The following PCDHGA9 variants were observed in gnomAD, a reference collection of about 807,000 sequenced individuals.
PCDHGA9 encodes the protein protocadherin gamma-A9.
In PCDHGA9, 37 loss-of-function variants were observed where a neutral mutation model predicts 62.5. The ratio of observed to expected loss-of-function variants is 0.59; its 90% CI spans 0.46 to 0.78. PCDHGA9 has a LOEUF of 0.78. Ranked by LOEUF, PCDHGA9 falls within the 30% of genes least tolerant of loss-of-function variation. PCDHGA9 has a pLI of 0.00. For missense variants in PCDHGA9, 1,138 were observed against 1,166.2 expected, an observed-to-expected ratio of 0.98 and a Z score of 0.35; for synonymous variants, 459 against 484.6, an observed-to-expected ratio of 0.95 and a Z score of 0.69.
rs933089146 is a variant in PCDHGA9, at chr5:141,490,786, A to G, written c.2425-4021A>G. ...GTATGTCAACCCAGAGGATGGACGGATCTTTGCCCAGCGTACCTTTGACTA... is the reference window on the plus strand; with the variant it reads ...GTATGTCAACCCAGAGGATGGACGGGTCTTTGCCCAGCGTACCTTTGACTA... On this transcript the variant is annotated intron_variant, in intron 1 of 3. Coordinates refer to ENST00000573521, the MANE Select transcript of PCDHGA9 (RefSeq NM_018921.3). This position sits in a 1 kb window ranked among gnomAD's most constrained non-coding sequence, Gnocchi z 5.4. The G allele has an allele frequency of 1.9e-6, 3 of 1,614,056 alleles. No individual in the cohort carries two copies. The highest frequency in any genetic ancestry group is 1.7e-5 in the Admixed American group (1 of 60,016).
chr5:141,454,796 ATTTTTTTTTT>A (rs61612330), intron 1 of PCDHGA9, among the ~76,000 whole-genome samples: 11 of 77,458 alleles, frequency 1.4e-4, no homozygotes, highest in East Asian at 8.0e-4. Flanking sequence ...CATGGTTCTA[ATTTTTTTTTT>A]TTTTTTTTTT....
intron 1 of PCDHGA9, among the ~76,000 whole-genome samples, chr5:141,460,640 TGTTTACACATA>T (rs2098994223): frequency 6.6e-6 from 1 of 152,096 alleles, no homozygotes; most frequent in Admixed American, 6.6e-5. Flanking sequence ...TATATAACTG[TGTTTACACATA>T]TGTAACTGTA....
At chr5:141,509,481 A>G (rs2099877035) in intron 3 of PCDHGA9, among the ~76,000 whole-genome samples, 1 of 152,010 alleles carries the variant, frequency 6.6e-6, no homozygotes, top group Admixed American at 6.6e-5. Flanking sequence ...TGAGGGGTAG[A>G]GGTGATGGCA....
rs748017565 is a variant in PCDHGA9 at position 141,477,404 on chromosome 5, C to G, written c.2425-17403C>G. ...AGAATACAACCTCAGCATCACCGCCCGAGACGCCGGAACCCCTTCCCTCTC... is the reference window on the plus strand; with the variant it reads ...AGAATACAACCTCAGCATCACCGCCGGAGACGCCGGAACCCCTTCCCTCTC... On this transcript the variant is annotated intron_variant, in intron 1 of 3. Coordinates refer to ENST00000573521, the MANE Select transcript of PCDHGA9 (RefSeq NM_018921.3). The surrounding 1 kb of genome is among the most constrained non-coding windows in gnomAD (Gnocchi z 4.9). The G allele has an allele frequency of 1.9e-6, 3 of 1,614,042 alleles. No homozygotes were observed. Among genetic ancestry groups the G allele is most frequent in the African/African-American group, 1.3e-5 (1 of 74,902 alleles).
rs1022516458 is a variant in PCDHGA9, at chr5:141,476,612, A to G, written c.2425-18195A>G. The G allele has an allele frequency of 1.2e-6, 2 of 1,614,236 alleles. No individual in the cohort carries two copies. The highest frequency in any genetic ancestry group is 2.2e-5 in the South Asian group (2 of 91,080). ...GAGCGCGCACGATCCCGATGTGGGA[A>G]GCAACTCTTTACAAACCTATGAGCT... On this transcript the variant is annotated intron_variant, in intron 1 of 3. Transcript: ENST00000573521. The surrounding 1 kb of genome is among the most constrained non-coding windows in gnomAD (Gnocchi z 7.6).
intron 1 of PCDHGA9, chr5:141,433,149 C>A (rs758972664): frequency 1.2e-6 from 2 of 1,613,856 alleles, no homozygotes; most frequent in Non-Finnish European, 1.7e-6. Context: ...TCAGGTGATT[C>A]GGTATTTTCT....
rs769551114 is a variant in PCDHGA9, at chr5:141,402,989, T to A, written c.37T>A (p.Leu13Ile). Residue 13 changes from leucine (L) to isoleucine (I), a missense_variant, in exon 1 of 4, where the codon TTA becomes ATA. By Grantham distance (5) the Leu-to-Ile change is conservative. Coordinates refer to ENST00000573521, the MANE Select transcript of PCDHGA9 (RefSeq NM_018921.3). ...AACCAAATGCCAGCTCCGCGGAAGA[T>A]TAGTCCTGCTATGCTCGCTCCTGGG... ...APTKCQLRGR[L>I]VLLCSLLGML... The A allele has an allele frequency of 2.5e-6, 4 of 1,611,874 alleles. No homozygotes were observed. Among genetic ancestry groups the A allele is most frequent in the Non-Finnish European group, 3.4e-6 (4 of 1,179,236 alleles).
At chr5:141,418,015 G>T (rs1385008648) in intron 1 of PCDHGA9, 1 of 1,613,964 alleles carries the variant, frequency 6.2e-7, no homozygotes, top group Non-Finnish European at 8.5e-7. Context: ...ACCTCGCTAA[G>T]GATCTAGGGC....
rs1243327893 is a variant in PCDHGA9, at chr5:141,491,671, C to A, written c.2425-3136C>A. 2.5e-6 allele frequency: 4 copies of A among 1,613,366 alleles called. No homozygotes were observed. Among genetic ancestry groups the A allele is most frequent in the Non-Finnish European group, 3.4e-6 (4 of 1,179,808 alleles). On this transcript the variant is annotated intron_variant, in intron 1 of 3. Coordinates refer to ENST00000573521, the MANE Select transcript of PCDHGA9 (RefSeq NM_018921.3). The surrounding 1 kb of genome is among the most constrained non-coding windows in gnomAD (Gnocchi z 6.9). Reference sequence around the variant, plus strand: ...GCTGGAGCCTGACGCCATCCGGTCCCGCTCTAATACGCTGCGGGAGCGGAG... The same window carrying A: ...GCTGGAGCCTGACGCCATCCGGTCCAGCTCTAATACGCTGCGGGAGCGGAG...
chr5:141,419,734 G>A, intron 1 of PCDHGA9: 2 of 1,613,792 alleles, frequency 1.2e-6, no homozygotes, highest in Non-Finnish European at 1.7e-6. Context: ...GAACAGGCGA[G>A]GTGCGCATGG....
rs768648952 is a variant in PCDHGA9, at chr5:141,477,230, G to T, written c.2425-17577G>T. 14 of 1,614,046 alleles carry T rather than the reference G, an allele frequency of 8.7e-6. No homozygotes were observed. The highest frequency in any genetic ancestry group is 4.0e-5 in the African/African-American group (3 of 74,916). On this transcript the variant is annotated intron_variant, in intron 1 of 3. Transcript: ENST00000573521. The surrounding 1 kb of genome is among the most constrained non-coding windows in gnomAD (Gnocchi z 4.9). Reference sequence around the variant, plus strand: ...GGATGCCCCTCTGGGGACTGTCATCGCTTTGCTCAGTGTGACTGACCTGGA... The same window carrying T: ...GGATGCCCCTCTGGGGACTGTCATCTCTTTGCTCAGTGTGACTGACCTGGA...
Position 141,404,725 on chromosome 5 carries a change from G to A in PCDHGA9, c.1773G>A (p.Val591=), listed in dbSNP as rs1381392805. The stretch of plus-strand genomic sequence containing the variant: ...AGCCTGGCTACCTGGTGACCAAGGT[G>A]GTGGCAGTGGACAGAGACTCAGGCC... The part of the protein sequence containing the change: ...SAEPGYLVTK[V]VAVDRDSGQN... The change falls in exon 1 of 4, where the codon GTG becomes GTA. Residue 591 remains valine, a synonymous_variant. Coordinates refer to ENST00000573521, the MANE Select transcript of PCDHGA9 (RefSeq NM_018921.3). The A allele has an allele frequency of 6.2e-7, 1 of 1,613,980 alleles. No individual in the cohort carries two copies. Among genetic ancestry groups the A allele is most frequent in the Non-Finnish European group, 8.5e-7 (1 of 1,180,028 alleles).
At chr5:141,422,044 G>A (rs780284162) in intron 1 of PCDHGA9, 1 of 1,611,530 alleles carries the variant, frequency 6.2e-7, no homozygotes, top group Non-Finnish European at 8.5e-7. Flanking sequence ...TCCAGACGAG[G>A]GAATCAACGG....
At chr5:141,410,235 G>A (rs753193390) in intron 1 of PCDHGA9, 2 of 1,613,970 alleles carry the variant, frequency 1.2e-6, no homozygotes, top group South Asian at 1.1e-5. Context: ...CTCAGCGACC[G>A]CCCTGTACTC....
chr5:141,417,518 G>C (rs193231266), intron 1 of PCDHGA9: 8 of 257,454 alleles, frequency 3.1e-5, no homozygotes, highest in Non-Finnish European at 5.1e-5. Context: ...TATTTTGGCT[G>C]TCAACTCGTA....
intron 2 of PCDHGA9, among the ~76,000 whole-genome samples, chr5:141,502,956 G>A (rs986743949): frequency 1.3e-5 from 2 of 148,846 alleles, no homozygotes; most frequent in African/African-American, 5.0e-5. Context: ...CGATTCTCCT[G>A]CCTCAGCCTC....
At chr5:141,508,193 C>T (rs1426786164) in intron 3 of PCDHGA9, 1 of 152,326 alleles carries the variant, frequency 6.6e-6, no homozygotes, top group Non-Finnish European at 1.5e-5. Flanking sequence ...ATCACCCCCA[C>T]CTCGTCCAGG....
chr5:141,486,985 T>C lies in PCDHGA9; in HGVS notation c.2425-7822T>C. On this transcript the variant is annotated intron_variant, in intron 1 of 3. Coordinates refer to ENST00000573521, the MANE Select transcript of PCDHGA9 (RefSeq NM_018921.3). The surrounding 1 kb of genome is among the most constrained non-coding windows in gnomAD (Gnocchi z 5.0). ...TGGACTTGGATTCAGGTTACAATGC[T>C]TGGGTTTCCTATCAGCTCCTGGAGG... 1 of 1,614,208 alleles carries C rather than the reference T, an allele frequency of 6.2e-7. No individual in the cohort carries two copies. The highest frequency in any genetic ancestry group is 8.5e-7 in the Non-Finnish European group (1 of 1,180,040).
intron 1 of PCDHGA9, among the ~76,000 whole-genome samples, chr5:141,406,564 C>T (rs1475993893): frequency 6.6e-6 from 1 of 152,164 alleles, no homozygotes; most frequent in African/African-American, 2.4e-5. Flanking sequence ...CACTTCCAAA[C>T]CCTAGTAAAC....
Sources: gnomAD v4.1 joint callset for allele counts (sites outside exome capture counted in the v4.1 genomes callset) on GRCh38, gnomAD v4.1.1 for gene constraint, Gnocchi (gnomAD v3.1) non-coding constraint, MANE v1.5 for transcripts, NCBI Gene and HGNC (gene_info 2026-07-23, HGNC 2026-07-21) for gene names.